AFF2: variants seen among roughly 807,000 people sequenced by gnomAD.
The protein encoded by AFF2 is AF4/FMR2 family member 2.
Under a neutral mutation model 76.9 loss-of-function variants are expected in AFF2, and 14 were observed. That is an observed-to-expected ratio of 0.18 (90% CI 0.12 to 0.28). AFF2 has a LOEUF of 0.28. Among genes scored for constraint, AFF2 ranks in the 10% least tolerant of loss-of-function variants. The pLI, the probability that AFF2 is intolerant of heterozygous loss-of-function variation, is 1.00. For missense variants in AFF2, 868 were observed against 1,001.1 expected, an observed-to-expected ratio of 0.87 and a Z score of 1.79; for synonymous variants, 398 against 366.7, an observed-to-expected ratio of 1.09 and a Z score of -0.98.
At chrX:148,712,941 A>C (rs2054986387) in intron 3 of AFF2, among the ~76,000 whole-genome samples, 1 of 111,727 alleles carries the variant, frequency 9.0e-6, no homozygotes, top group Non-Finnish European at 1.9e-5. Context: ...GCTATTAAAA[A>C]CATGAAATCA....
intron 19 of AFF2, among the ~76,000 whole-genome samples, chrX:148,983,968 A>AAAAAAAAAAAAAAAAAAAAAAGC (rs1431816827): frequency 9.7e-6 from 1 of 103,450 alleles, no homozygotes; most frequent in Non-Finnish European, 2.0e-5. Flanking sequence ...AAAAAAAAAA[A>AAAAAAAAAAAAAAAAAAAAAAGC]CTGCCCTCAT....
intron 5 of AFF2, among the ~76,000 whole-genome samples, chrX:148,838,155 C>T (rs1428312730): frequency 4.5e-5 from 5 of 112,124 alleles, no homozygotes; most frequent in Non-Finnish European, 9.4e-5. Context: ...TACAAAACAC[C>T]ACATCACACT....
At chrX:148,569,510 C>T (rs2053205277) in intron 1 of AFF2, among the ~76,000 whole-genome samples, 1 of 111,646 alleles carries the variant, frequency 9.0e-6, no homozygotes, top group African/African-American at 3.2e-5. Context: ...TTTCTAGACA[C>T]ATTTTATTTC....
intron 1 of AFF2, among the ~76,000 whole-genome samples, chrX:148,599,851 A>G (rs116016984): frequency 8.9e-6 from 1 of 111,828 alleles, no homozygotes; most frequent in African/African-American, 3.3e-5. Context: ...AACTTGAACA[A>G]TTCATGCAAA....
intron 9 of AFF2, among the ~76,000 whole-genome samples, chrX:148,952,022 C>T (rs937700082): frequency 8.0e-5 from 9 of 112,177 alleles, no homozygotes; most frequent in African/African-American, 2.6e-4. Flanking sequence ...TCTTTAAGGA[C>T]ACACGGCACA....
At chrX:148,695,829 C>T (rs1338446661) in intron 3 of AFF2, among the ~76,000 whole-genome samples, 1 of 111,931 alleles carries the variant, frequency 8.9e-6, no homozygotes, top group Non-Finnish European at 1.9e-5. Flanking sequence ...GGTGATCTCT[C>T]AGAGAAGCCA....
At chrX:148,577,837 G>T (rs1380153551) in intron 1 of AFF2, among the ~76,000 whole-genome samples, 1 of 111,423 alleles carries the variant, frequency 9.0e-6, no homozygotes, top group East Asian at 2.9e-4. Flanking sequence ...TTACAACAAG[G>T]TATTACTGTG....
intron 7 of AFF2, among the ~76,000 whole-genome samples, chrX:148,846,670 A>T (rs181083300): frequency 2.7e-5 from 3 of 111,115 alleles, no homozygotes; most frequent in African/African-American, 9.8e-5. Flanking sequence ...AGGTCTTCTT[A>T]ATCAAACGGA....
At chrX:148,793,313 G>T (rs16994722) in intron 3 of AFF2, among the ~76,000 whole-genome samples, 4,841 of 111,552 alleles carry the variant, frequency 0.043, 221 homozygotes, top group African/African-American at 0.14. Flanking sequence ...CATCAAAAAG[G>T]TGCCCACAGA....
intron 3 of AFF2, among the ~76,000 whole-genome samples, chrX:148,708,550 C>T (rs1481748444): frequency 1.8e-5 from 2 of 111,904 alleles, no homozygotes; most frequent in African/African-American, 6.5e-5. Flanking sequence ...AAATGGATCA[C>T]TTCAGGTCAA....
intron 3 of AFF2, among the ~76,000 whole-genome samples, chrX:148,726,661 C>A (rs782346746): frequency 1.8e-5 from 2 of 111,658 alleles, no homozygotes; most frequent in South Asian, 7.5e-4. Flanking sequence ...TGGATTTAGC[C>A]AGTTAAAACA....
intron 3 of AFF2, among the ~76,000 whole-genome samples, chrX:148,717,415 A>G (rs1187033351): frequency 8.9e-6 from 1 of 112,134 alleles, no homozygotes; most frequent in Non-Finnish European, 1.9e-5. Flanking sequence ...GGGAACACAG[A>G]GTAACTGCTT....
At position 148,562,250 on chromosome X, in the gene AFF2, A is replaced by G. The variant is rs1387949085; in HGVS notation, c.47+61106A>G. On this transcript the variant is annotated intron_variant, in intron 1 of 20. Coordinates refer to ENST00000370460, the MANE Select transcript of AFF2 (RefSeq NM_002025.4). ...AGTCGCTTTGGCATCACACAGACACAGCCTGTGCTGTGCTGGGAGCTGTGT... is the reference window on the plus strand; with the variant it reads ...AGTCGCTTTGGCATCACACAGACACGGCCTGTGCTGTGCTGGGAGCTGTGT... Among the ~76,000 whole-genome samples, 5 of 112,392 alleles carry G rather than the reference A, an allele frequency of 4.4e-5. No homozygotes were observed. In the Admixed American group the frequency reaches 4.7e-4, roughly 11 times the overall value.
At chrX:148,502,303 T>C in intron 1 of AFF2, among the ~76,000 whole-genome samples, 1 of 112,416 alleles carries the variant, frequency 8.9e-6, no homozygotes, top group Non-Finnish European at 1.9e-5. Flanking sequence ...TGGTTATGAA[T>C]GCTGTGTATT....
At chrX:148,602,674 C>T (rs901242345) in intron 1 of AFF2, among the ~76,000 whole-genome samples, 1 of 110,602 alleles carries the variant, frequency 9.0e-6, no homozygotes, top group Non-Finnish European at 1.9e-5. Context: ...GGCCATATAA[C>T]GAGAAGAGGC....
chrX:148,834,482 G>A (rs1472318320), intron 4 of AFF2, among the ~76,000 whole-genome samples: 1 of 106,307 alleles, frequency 9.4e-6, no homozygotes, highest in East Asian at 3.0e-4. Context: ...GTGCTTCCTT[G>A]TGGAAGTTCA....
intron 1 of AFF2, among the ~76,000 whole-genome samples, chrX:148,627,111 T>C (rs191250111): frequency 9.0e-6 from 1 of 111,312 alleles, no homozygotes; most frequent in East Asian, 2.9e-4. Context: ...CTCCAGAGAC[T>C]GATGTTGGGG....
At chrX:148,847,510 A>C (rs2124675671) in intron 7 of AFF2, among the ~76,000 whole-genome samples, 1 of 112,096 alleles carries the variant, frequency 8.9e-6, no homozygotes, top group South Asian at 3.8e-4. Context: ...AGTTTCCATA[A>C]AATCTTAATA....
At chrX:148,681,579 TGTGTGA>T (rs1278169591) in intron 3 of AFF2, among the ~76,000 whole-genome samples, 76 of 74,265 alleles carry the variant, frequency 1.0e-3, no homozygotes, top group African/African-American at 2.6e-3. Flanking sequence ...TGTGTGTGTG[TGTGTGA>T]GAGAGAGAGA....
Sources: gnomAD v4.1 joint callset for allele counts (sites outside exome capture counted in the v4.1 genomes callset) on GRCh38, gnomAD v4.1.1 for gene constraint, MANE v1.5 for transcripts, NCBI Gene and HGNC (gene_info 2026-07-23, HGNC 2026-07-21) for gene names.